ZNF208: variants seen among roughly 807,000 people sequenced by gnomAD.
The protein encoded by ZNF208 is zinc finger protein 208.
In ZNF208, 10 loss-of-function variants were observed where a neutral mutation model predicts 12.1. The ratio of observed to expected loss-of-function variants is 0.83; its 90% confidence interval spans 0.51 to 1.40. ZNF208 has a LOEUF of 1.40. Among genes scored for constraint, ZNF208 ranks in the 40% most tolerant of loss-of-function variants. The pLI is 0.00. For missense variants in ZNF208, 1,652 were observed against 1,485.0 expected (o/e 1.11, Z -1.85); for synonymous variants, 497 against 488.4 (o/e 1.02, Z -0.23).
At chr19:21,983,846 T>C (rs1233466129) in intron 3 of ZNF208, among the ~76,000 whole-genome samples, 1 of 151,870 alleles carries the variant, frequency 6.6e-6, no homozygotes, top group African/African-American at 2.4e-5. Flanking sequence ...CACCAGGGCC[T>C]GTCAAGGGGT....
chr19:21,971,898 C>CAGT lies in ZNF208; in HGVS notation c.3133_3135dup (p.Thr1045dup). 1 of 1,524,460 alleles carries CAGT rather than the reference C, an allele frequency of 6.6e-7. No homozygotes were observed. Among genetic ancestry groups the CAGT allele is most frequent in the Non-Finnish European group, 8.9e-7 (1 of 1,119,914 alleles). 94.4% of individuals were successfully genotyped at this position (1,524,460 alleles called of 1,614,324 possible). A position where few individuals can be genotyped will look rare whatever the true frequency, so the allele number is the denominator to read the frequency against. ...TCTCCAGCATGAGTTGCCTTATGTTCAGTAAGGCTTGAGGGCCAGCTGAAG... is the reference window on the plus strand; with the variant it reads ...TCTCCAGCATGAGTTGCCTTATGTTCAGTAGTAAGGCTTGAGGGCCAGCTGAAG... On this transcript the variant is annotated inframe_insertion, in exon 4 of 4. Transcript: ENST00000397126.
At chr19:22,003,969 G>A (rs1484523401) in intron 1 of ZNF208, among the ~76,000 whole-genome samples, 1 of 151,742 alleles carries the variant, frequency 6.6e-6, no homozygotes, top group African/African-American at 2.4e-5. Flanking sequence ...AGGGGTTTGA[G>A]ACAGGCATGG....
rs1395964631 is a variant in ZNF208, at chr19:21,983,958, C to A, written c.226+3258G>T. Among the ~76,000 whole-genome samples, 5 of 151,996 alleles carry A rather than the reference C, an allele frequency of 3.3e-5. No individual in the cohort carries two copies. In the East Asian group the frequency reaches 9.7e-4, roughly 29 times the overall value. ...GGCACGTGTATACCTATGAAACAAA[C>A]CTGCACGTTCTGCACATGTACCCCA... On this transcript the variant is annotated intron_variant, in intron 3 of 3. Transcript: ENST00000397126.
intron 3 of ZNF208, among the ~76,000 whole-genome samples, chr19:21,984,582 AAAAT>A (rs1374303813): frequency 2.0e-5 from 3 of 151,582 alleles, no homozygotes; most frequent in African/African-American, 4.9e-5. Flanking sequence ...ACAAACAAAA[AAAAT>A]ATATATGAAT....
downstream of ZNF208, chr19:21,966,071 G>T (rs904833349): frequency 6.6e-6 from 1 of 151,146 alleles, no homozygotes; most frequent in African/African-American, 2.5e-5. Flanking sequence ...TATTAACCCA[G>T]CACTGGAAAA....
At chr19:21,977,025 C>A (rs1450768553) in intron 3 of ZNF208, among the ~76,000 whole-genome samples, 2 of 152,176 alleles carry the variant, frequency 1.3e-5, no homozygotes, top group African/African-American at 4.8e-5. Flanking sequence ...CAAGCTAAAT[C>A]TTAAGTCAAA....
At chr19:22,008,585 T>C (rs1971091025) in intron 1 of ZNF208, among the ~76,000 whole-genome samples, 1 of 152,070 alleles carries the variant, frequency 6.6e-6, no homozygotes, top group South Asian at 2.1e-4. Context: ...GCTATTTTTT[T>C]TCACAAACTT....
intron 3 of ZNF208, among the ~76,000 whole-genome samples, chr19:21,978,829 C>G (rs769747058): frequency 2.0e-5 from 3 of 151,988 alleles, no homozygotes; most frequent in Non-Finnish European, 4.4e-5. Flanking sequence ...AGCTAAGAAC[C>G]TTGAAAAAAG....
At chr19:22,001,926 AAAGAAAAG>A (rs1970961231) in intron 1 of ZNF208, among the ~76,000 whole-genome samples, 1 of 148,004 alleles carries the variant, frequency 6.8e-6, no homozygotes, top group Non-Finnish European at 1.5e-5. Flanking sequence ...AAAAAAGAAA[AAAGAAAAG>A]AAAAGAAATC....
At chr19:21,986,302 CAATA>C (rs1970627441) in intron 3 of ZNF208, among the ~76,000 whole-genome samples, 1 of 151,764 alleles carries the variant, frequency 6.6e-6, no homozygotes. Context: ...CTTTTCAAAC[CAATA>C]AATACACTCA....
At chr19:21,974,873 C>G (rs1240540583) in intron 3 of ZNF208, 66 bp from the exon 4 acceptor site, 2 of 1,436,514 alleles carry the variant, frequency 1.4e-6, no homozygotes, top group Non-Finnish European at 1.8e-6. Context: ...GTTTCTAAAT[C>G]TAAACTATAA....
At chr19:21,940,249 A>AT (rs1969713494) in intron 4 of ZNF208, 1 of 152,272 alleles carries the variant, frequency 6.6e-6, no homozygotes, top group Non-Finnish European at 1.5e-5. Context: ...ATTTAAATGA[A>AT]TAAATACATC....
rs1415998471 is a variant in ZNF208 at position 21,969,221 on chromosome 19, G to T, written c.*1970C>A. Among the ~76,000 whole-genome samples the T allele has an allele frequency of 6.6e-6, 1 of 151,848 alleles. No homozygotes were observed. Among genetic ancestry groups the T allele is most frequent in the Non-Finnish European group, 1.5e-5 (1 of 67,972 alleles). Reference sequence around the variant, plus strand: ...GCTGGTCTTGAACTCCTGACCTCAGGTGATCTGCCCACCTTGGCATCACAA... The same window carrying T: ...GCTGGTCTTGAACTCCTGACCTCAGTTGATCTGCCCACCTTGGCATCACAA... On this transcript the variant is annotated 3_prime_UTR_variant, in exon 4 of 4. Transcript: ENST00000397126.
intron 1 of ZNF208, among the ~76,000 whole-genome samples, chr19:21,990,770 C>T (rs1970719334): frequency 6.6e-6 from 1 of 152,068 alleles, no homozygotes; most frequent in Non-Finnish European, 1.5e-5. Flanking sequence ...TTTGTATCCT[C>T]TTTTATTTCA....
chr19:21,963,317 A>G (rs1970108996), downstream of ZNF208, among the ~76,000 whole-genome samples: 1 of 152,048 alleles, frequency 6.6e-6, no homozygotes, highest in Non-Finnish European at 1.5e-5. Flanking sequence ...ACTTTCCTGG[A>G]ATATTGAAAT....
chr19:21,996,707 C>G (rs1176363672), intron 1 of ZNF208, among the ~76,000 whole-genome samples: 1 of 152,142 alleles, frequency 6.6e-6, no homozygotes, highest in Admixed American at 6.5e-5. Context: ...TGGATTCTCA[C>G]GTCTACAGGT....
Position 21,967,621 on chromosome 19 carries a change from G to A in ZNF208, c.*3570C>T, listed in dbSNP as rs1970196296. ...GGCTGGTCTCAAACTTCTGACCTCA[G>A]GTGATCCATCCATCTCAGCCTCCCA... On this transcript the variant is annotated 3_prime_UTR_variant, in exon 4 of 4. Transcript: ENST00000397126. 1.3e-5 allele frequency: 2 copies of A among 152,082 alleles called. No individual in the cohort carries two copies. Among genetic ancestry groups the A allele is most frequent in the Admixed American group, 6.6e-5 (1 of 15,250 alleles). The allele number at this position is 152,082 out of a possible 1,614,324, so 9.4% of individuals were successfully genotyped here.
chr19:21,944,586 C>A (rs114646213), intron 4 of ZNF208, among the ~76,000 whole-genome samples: 1 of 151,960 alleles, frequency 6.6e-6, no homozygotes, highest in Non-Finnish European at 1.5e-5. Flanking sequence ...AAAATACTTA[C>A]AGCTACCGTG....
intron 4 of ZNF208, among the ~76,000 whole-genome samples, chr19:21,947,492 A>G (rs1384425710): frequency 1.3e-5 from 2 of 152,182 alleles, no homozygotes; most frequent in Admixed American, 6.5e-5. Flanking sequence ...ATTGTTCTCC[A>G]TAGGAAGCCT....
Sources: gnomAD v4.1 joint callset for allele counts (sites outside exome capture counted in the v4.1 genomes callset) on GRCh38, gnomAD v4.1.1 for gene constraint, MANE v1.5 for transcripts, NCBI Gene and HGNC (gene_info 2026-07-23, HGNC 2026-07-21) for gene names.